DNAH11: variants seen among roughly 807,000 people sequenced by gnomAD.
The protein encoded by DNAH11 is dynein axonemal heavy chain 11, also known as axonemal beta dynein heavy chain 11.
Under a neutral mutation model 526.0 loss-of-function variants are expected in DNAH11, and 442 were observed. The ratio of observed to expected loss-of-function variants is 0.84; its 90% CI spans 0.78 to 0.91. The LOEUF (loss-of-function observed/expected upper bound fraction) is 0.91, where lower values mean the gene tolerates loss of function less well. Among genes scored for constraint, DNAH11 ranks in the 40% least tolerant of loss-of-function variants. DNAH11 has a pLI of 0.00. For missense variants in DNAH11, 6,989 were observed against 5,448.7 expected (o/e 1.28, Z -8.90); for synonymous variants, 2,461 against 1,935.9 (o/e 1.27, Z -7.12).
intron 34 of DNAH11, 70 bp downstream of exon 34, chr7:21,687,597 C>A (rs1783435947): frequency 9.8e-6 from 15 of 1,523,192 alleles, no homozygotes; most frequent in Non-Finnish European, 1.8e-6. Flanking sequence ...ACCTCCCCTT[C>A]ACTGTCTATT....
intron 24 of DNAH11, among the ~76,000 whole-genome samples, 200 bp downstream of exon 24, chr7:21,619,422 T>C (rs1481009799): frequency 6.6e-6 from 1 of 152,302 alleles, no homozygotes; most frequent in East Asian, 1.9e-4. Flanking sequence ...ATTGGTCTTG[T>C]TGATGATGAT....
Position 21,600,988 on chromosome 7 carries a change from A to G in DNAH11, c.3256-22A>G, listed in dbSNP as rs553284069. 4.3e-6 allele frequency: 7 copies of G among 1,609,488 alleles called. No homozygotes were observed. The African/African-American group carries it at 8.0e-5, about 18-fold the overall frequency. On this transcript the variant is annotated intron_variant, in intron 16 of 81. Transcript: ENST00000409508. ...AATGGCTTTTCACTGAGTTGTTCTA[A>G]TTAATCTTTTTCTCACTACAGATTG...
At chr7:21,856,683 A>C (rs1252100516) in intron 68 of DNAH11, among the ~76,000 whole-genome samples, 1 of 152,222 alleles carries the variant, frequency 6.6e-6, no homozygotes. Flanking sequence ...AACATTCAAA[A>C]ATCACGAAGT....
At chr7:21,814,410 A>G (rs1244671550) in intron 63 of DNAH11, among the ~76,000 whole-genome samples, 1 of 150,422 alleles carries the variant, frequency 6.6e-6, no homozygotes, top group East Asian at 1.9e-4. Context: ...ACATGTGCAC[A>G]TTGTGCGGGT....
intron 8 of DNAH11, among the ~76,000 whole-genome samples, chr7:21,575,533 C>T (rs536080552): frequency 1.4e-4 from 21 of 152,302 alleles, no homozygotes; most frequent in Admixed American, 6.5e-4. Flanking sequence ...CAGATTTCAT[C>T]TTTATTAGTC....
rs1785843769 is a variant in DNAH11, at chr7:21,617,696, A to G, written c.4173A>G (p.Thr1391=). ...TGLEGTVKDM[T]ASLRAITELQ... ...TGGAAGGCACAGTTAAGGACATGAC[A>G]GCCTCCCTGAGGGCCATCACAGAGT... Residue 1391 remains threonine (T), a synonymous_variant, in exon 23 of 82, where the codon ACA becomes ACG. Transcript: ENST00000409508. 10 of 1,613,830 alleles carry G rather than the reference A, an allele frequency of 6.2e-6. No individual in the cohort carries two copies. The highest frequency in any genetic ancestry group is 7.6e-6 in the Non-Finnish European group (9 of 1,179,814).
At chr7:21,639,919 C>T (rs373180374) in intron 28 of DNAH11, among the ~76,000 whole-genome samples, 7 of 151,002 alleles carry the variant, frequency 4.6e-5, no homozygotes, top group East Asian at 1.9e-4. Context: ...GTGCCATTTT[C>T]TTTAGAATCT....
intron 3 of DNAH11, 42 bp from the exon 4 acceptor site, chr7:21,559,561 A>G (rs1783365876): frequency 3.4e-6 from 5 of 1,462,582 alleles, no homozygotes; most frequent in East Asian, 4.8e-5. Flanking sequence ...TTTGGATAAA[A>G]TGATTCATCT....
At chr7:21,590,803 A>T in intron 12 of DNAH11, 115 bp from the exon 13 acceptor site, 1 of 647,150 alleles carries the variant, frequency 1.5e-6, no homozygotes, top group Non-Finnish European at 2.3e-6. Context: ...ATTTACCTTG[A>T]TTTGGAAATA....
At chr7:21,656,923 C>T (rs1343349542) in intron 29 of DNAH11, among the ~76,000 whole-genome samples, 2 of 152,072 alleles carry the variant, frequency 1.3e-5, no homozygotes, top group Admixed American at 6.6e-5. Flanking sequence ...GAAAAAGTTG[C>T]CATAAACTCT....
At chr7:21,568,480 T>G (rs953255979) in intron 6 of DNAH11, among the ~76,000 whole-genome samples, 15 of 152,168 alleles carry the variant, frequency 9.9e-5, no homozygotes, top group Admixed American at 2.6e-4. Flanking sequence ...TGGCCCCTAG[T>G]AGGGTCACAG....
At position 21,807,866 on chromosome 7, in the gene DNAH11, T is replaced by C. The variant is rs562180136; in HGVS notation, c.10166-17T>C. 5.4e-5 allele frequency: 85 copies of C among 1,579,588 alleles called. 1 individual carries two copies. The South Asian group carries it at 9.3e-4, about 17-fold the overall frequency. On this transcript the variant is annotated splice_polypyrimidine_tract_variant and intron_variant, in intron 62 of 81. Transcript: ENST00000409508. Reference sequence around the variant, plus strand: ...TCAGCCTGCAATTACAGCTGAGTAATTTCATCTTTCAGTCAGAGAAGATTC... The same window carrying C: ...TCAGCCTGCAATTACAGCTGAGTAACTTCATCTTTCAGTCAGAGAAGATTC...
chr7:21,814,359 T>TA (rs1491252334), intron 63 of DNAH11, among the ~76,000 whole-genome samples: 2 of 151,446 alleles, frequency 1.3e-5, no homozygotes, highest in Admixed American at 1.3e-4. Context: ...ATTTTTTTTT[T>TA]ATTTTTTTAT....
At chr7:21,700,048 C>T (rs537567496) in intron 36 of DNAH11, among the ~76,000 whole-genome samples, 1 of 152,248 alleles carries the variant, frequency 6.6e-6, no homozygotes, top group East Asian at 1.9e-4. Context: ...TGTTACAAAA[C>T]TGTCAAAAGA....
At chr7:21,631,517 C>G (rs1264343424) in intron 25 of DNAH11, among the ~76,000 whole-genome samples, 2 of 152,172 alleles carry the variant, frequency 1.3e-5, no homozygotes, top group African/African-American at 2.4e-5. Context: ...AATGGGGGTA[C>G]AGCTATTGGA....
intron 8 of DNAH11, among the ~76,000 whole-genome samples, chr7:21,572,958 C>T (rs1014588779): frequency 6.6e-6 from 1 of 152,176 alleles, no homozygotes; most frequent in African/African-American, 2.4e-5. Flanking sequence ...TAAATACGTA[C>T]AGAATGGGAT....
At chr7:21,824,668 G>C (rs1790200835) in intron 65 of DNAH11, among the ~76,000 whole-genome samples, 1 of 152,138 alleles carries the variant, frequency 6.6e-6, no homozygotes, top group Admixed American at 6.5e-5. Context: ...TGAAGATTCT[G>C]AATGTTGCTT....
chr7:21,577,180 ATC>A (rs1784127895), intron 8 of DNAH11, among the ~76,000 whole-genome samples: 1 of 152,220 alleles, frequency 6.6e-6, no homozygotes, highest in South Asian at 2.1e-4. Context: ...TAAAAGCCTG[ATC>A]TCTCCCTAGC....
intron 20 of DNAH11, 146 bp from the exon 21 acceptor site, chr7:21,614,968 A>G (rs1785696268): frequency 2.1e-6 from 2 of 931,522 alleles, no homozygotes; most frequent in Middle Eastern, 2.3e-4. Context: ...TAAAACCTAC[A>G]TTTTGCCAGT....
Sources: allele counts gnomAD v4.1 joint callset (sites outside exome capture counted in the v4.1 genomes callset), GRCh38; gene constraint gnomAD v4.1.1; transcripts MANE v1.5; gene names NCBI Gene and HGNC (gene_info 2026-07-23, HGNC 2026-07-21).